The following IL1RAPL1 variants were observed in gnomAD, a reference collection of about 807,000 sequenced individuals.
The protein encoded by IL1RAPL1 is interleukin 1 receptor accessory protein like 1, also known as interleukin-1 receptor accessory protein-like 1.
In IL1RAPL1, 3 loss-of-function variants were observed where a neutral mutation model predicts 48.4. The ratio of observed to expected loss-of-function variants is 0.06; its 90% CI spans 0.03 to 0.16. The LOEUF (loss-of-function observed/expected upper bound fraction) is 0.16. IL1RAPL1 is among the 10% of genes least tolerant of loss of function. The probability of loss-of-function intolerance (pLI) is 1.00; values close to 1 mark genes in which losing one functional copy is unlikely to be tolerated. For synonymous variants in IL1RAPL1, 185 were observed against 187.7 expected, an observed-to-expected ratio of 0.99 and a Z score of 0.12; for missense variants, 349 against 530.6, an observed-to-expected ratio of 0.66 and a Z score of 3.36.
At chrX:29,436,450 A>G (rs1934482902) in intron 5 of IL1RAPL1, among the ~76,000 whole-genome samples, 1 of 110,183 alleles carries the variant, frequency 9.1e-6, no homozygotes, top group Non-Finnish European at 1.9e-5. Context: ...GTACCTAGAT[A>G]GAAGTTAGGG....
intron 6 of IL1RAPL1, among the ~76,000 whole-genome samples, chrX:29,714,060 A>G (rs1208827931): frequency 8.9e-6 from 1 of 111,780 alleles, no homozygotes; most frequent in Non-Finnish European, 1.9e-5. Context: ...CTGAGATAGT[A>G]GAATGCCAGA....
intron 5 of IL1RAPL1, among the ~76,000 whole-genome samples, chrX:29,518,771 C>T (rs753458971): frequency 1.3e-4 from 14 of 111,691 alleles, no homozygotes; most frequent in Non-Finnish European, 2.3e-4. Flanking sequence ...GATGCGGAAC[C>T]ACTCCAGAAT....
intron 3 of IL1RAPL1, among the ~76,000 whole-genome samples, chrX:29,376,241 A>G (rs1933620426): frequency 8.9e-6 from 1 of 111,889 alleles, no homozygotes; most frequent in South Asian, 3.7e-4. Context: ...CTTTAGCTGC[A>G]TTCCAGAGAT....
chrX:29,075,641 T>C (rs1028922667), intron 2 of IL1RAPL1, among the ~76,000 whole-genome samples: 52 of 112,101 alleles, frequency 4.6e-4, no homozygotes, highest in Admixed American at 4.6e-3. Flanking sequence ...AAGAGTAATA[T>C]ATTCTCAAGG....
intron 5 of IL1RAPL1, among the ~76,000 whole-genome samples, chrX:29,499,095 TATC>T (rs1935245605): frequency 8.9e-6 from 1 of 112,270 alleles, no homozygotes; most frequent in African/African-American, 3.2e-5. Context: ...GTCTCAACAA[TATC>T]ATGCTTTGCA....
chrX:28,709,194 G>A (rs1935411960), intron 1 of IL1RAPL1, among the ~76,000 whole-genome samples: 1 of 112,335 alleles, frequency 8.9e-6, no homozygotes, highest in African/African-American at 3.2e-5. Context: ...AAAAAAGTCT[G>A]TGAGGGTAAT....
chrX:29,701,920 A>G (rs909240067), intron 6 of IL1RAPL1, among the ~76,000 whole-genome samples: 4 of 111,796 alleles, frequency 3.6e-5, no homozygotes, highest in African/African-American at 1.3e-4. Context: ...TCACAGAGTA[A>G]ATGTGAGCCA....
intron 2 of IL1RAPL1, among the ~76,000 whole-genome samples, chrX:29,137,241 C>T (rs942995332): frequency 2.6e-5 from 2 of 78,006 alleles, no homozygotes; most frequent in African/African-American, 4.9e-5. Flanking sequence ...TAAAAAATTA[C>T]ACACACACAC....
intron 1 of IL1RAPL1, among the ~76,000 whole-genome samples, chrX:28,781,296 A>ATTTATT (rs1319283090): frequency 1.4e-3 from 148 of 105,164 alleles, no homozygotes; most frequent in African/African-American, 5.1e-3. Context: ...TTTTTTTTTT[A>ATTTATT]TTTATTTTTA....
At chrX:29,813,099 A>G (rs1024746028) in intron 6 of IL1RAPL1, among the ~76,000 whole-genome samples, 2 of 111,552 alleles carry the variant, frequency 1.8e-5, no homozygotes, top group African/African-American at 6.5e-5. Context: ...TTAACATCTC[A>G]ATGTTTTACT....
At chrX:29,657,463 C>T (rs576617526) in intron 5 of IL1RAPL1, among the ~76,000 whole-genome samples, 1 of 111,684 alleles carries the variant, frequency 9.0e-6, no homozygotes, top group African/African-American at 3.2e-5. Context: ...TCTGCAGAAG[C>T]GCAAGCATAT....
chrX:28,694,625 A>T (rs1935211748), intron 1 of IL1RAPL1, among the ~76,000 whole-genome samples: 1 of 112,093 alleles, frequency 8.9e-6, no homozygotes, highest in Non-Finnish European at 1.9e-5. Flanking sequence ...GACAATTCAA[A>T]AAAACAAAAT....
intron 5 of IL1RAPL1, among the ~76,000 whole-genome samples, chrX:29,495,876 C>CCT (rs774596436): frequency 1.8e-4 from 19 of 107,387 alleles, no homozygotes; most frequent in South Asian, 4.0e-4. Context: ...TCTCTGTCTT[C>CCT]CTCTCTCTCT....
At chrX:29,348,915 G>A (rs1302202653) in intron 3 of IL1RAPL1, among the ~76,000 whole-genome samples, 4 of 111,762 alleles carry the variant, frequency 3.6e-5, no homozygotes, top group Non-Finnish European at 7.5e-5. Flanking sequence ...ACTGCCAAAT[G>A]TTTTTCTATC....
At chrX:29,131,581 C>T (rs1929023788) in intron 2 of IL1RAPL1, among the ~76,000 whole-genome samples, 1 of 111,125 alleles carries the variant, frequency 9.0e-6, no homozygotes, top group South Asian at 3.8e-4. Context: ...TCTGGCCCTC[C>T]AACCTTGAAT....
Position 28,663,345 on chromosome X carries a change from A to G in IL1RAPL1, c.-25+75298A>G, listed in dbSNP as rs185994049. Among the ~76,000 whole-genome samples the G allele has an allele frequency of 5.0e-3, 560 of 112,142 alleles. 2 individuals carry two copies. Among genetic ancestry groups the G allele is most frequent in the African/African-American group, 0.018 (541 of 30,865 alleles). On this transcript the variant is annotated intron_variant, in intron 1 of 10. Coordinates refer to ENST00000378993, the MANE Select transcript of IL1RAPL1 (RefSeq NM_014271.4). ...TCTGCTTTTAGAGTGGTGCTTTTCA[A>G]CCTGGGCTGCTGCAGATCCTCACAT...
At chrX:29,293,753 C>A (rs1333225964) in intron 3 of IL1RAPL1, among the ~76,000 whole-genome samples, 1 of 111,086 alleles carries the variant, frequency 9.0e-6, no homozygotes, top group African/African-American at 3.3e-5. Context: ...TCACTTACAA[C>A]CCAACAGGAC....
At chrX:28,665,242 C>T (rs377021501) in intron 1 of IL1RAPL1, among the ~76,000 whole-genome samples, 1 of 110,747 alleles carries the variant, frequency 9.0e-6, no homozygotes, top group African/African-American at 3.3e-5. Context: ...CAGGAAAGAT[C>T]GTTTGATTAT....
At chrX:29,414,696 C>A (rs1307544505) in intron 5 of IL1RAPL1, among the ~76,000 whole-genome samples, 2 of 111,957 alleles carry the variant, frequency 1.8e-5, no homozygotes, top group Non-Finnish European at 3.8e-5. Flanking sequence ...AGAAAAATAT[C>A]ATATCAAAGA....
Sources: gnomAD v4.1 joint callset for allele counts (sites outside exome capture counted in the v4.1 genomes callset) on GRCh38, gnomAD v4.1.1 for gene constraint, MANE v1.5 for transcripts, NCBI Gene and HGNC (gene_info 2026-07-23, HGNC 2026-07-21) for gene names.